The following TERT variants were observed in gnomAD, a reference collection of about 807,000 sequenced individuals.
The protein encoded by TERT is telomerase reverse transcriptase.
In TERT, 42 loss-of-function variants were observed where a neutral mutation model predicts 104.0. That is an observed-to-expected ratio of 0.40 (90% CI 0.32 to 0.52). The LOEUF (loss-of-function observed/expected upper bound fraction) is 0.52. Among genes scored for constraint, TERT ranks in the 20% least tolerant of loss-of-function variants. The pLI, the probability that TERT is intolerant of heterozygous loss-of-function variation, is 0.43. For synonymous variants in TERT, 781 were observed against 725.6 expected (o/e 1.08, Z -1.23); for missense variants, 1,101 against 1,610.3 (o/e 0.68, Z 5.41).
chr5:1,292,081 T>C lies in TERT; in HGVS notation c.1573+1232A>G. On this transcript the variant is annotated intron_variant, in intron 2 of 15. Coordinates refer to ENST00000310581, the MANE Select transcript of TERT (RefSeq NM_198253.3). The surrounding 1 kb of genome is among the most constrained non-coding windows in gnomAD (Gnocchi z 5.5). ...CTGCACTGTACACAGAAAACGGTGT[T>C]AGGAGTGCCAATCTCATGTTATATG... Among the ~76,000 whole-genome samples the C allele has an allele frequency of 6.6e-6, 1 of 151,884 alleles. No homozygotes were observed. Among genetic ancestry groups the C allele is most frequent in the East Asian group, 1.9e-4 (1 of 5,188 alleles).
chr5:1,279,548 G>T, intron 4 of TERT, 78 bp from the exon 5 acceptor site: 1 of 1,439,326 alleles, frequency 6.9e-7, no homozygotes, highest in South Asian at 1.2e-5. Context: ...ACCCAGGGGA[G>T]AAGCAGCCCC....
rs1747637307 is a variant in TERT, at chr5:1,255,299, C to G, written c.3145G>C (p.Ala1049Pro). Residue 1049 changes from alanine to proline, a missense_variant, in exon 14 of 16, where the codon GCC becomes CCC. Ala to Pro is a conservative substitution (Grantham distance 27). Coordinates refer to ENST00000310581, the MANE Select transcript of TERT (RefSeq NM_198253.3). This position sits in a 1 kb window ranked among gnomAD's most constrained non-coding sequence, Gnocchi z 6.9. ...TASLCYSILKAKNAGMSLGAK... is the reference protein window; with the variant it reads ...TASLCYSILKPKNAGMSLGAK... Reference sequence around the variant, plus strand: ...CACCTGCACATACCTGCGTTCTTGGCTTTCAGGATGGAGTAGCAGAGGGAG... The same window carrying G: ...CACCTGCACATACCTGCGTTCTTGGGTTTCAGGATGGAGTAGCAGAGGGAG... 1 of 1,613,832 alleles carries G rather than the reference C, an allele frequency of 6.2e-7. No homozygotes were observed. Among genetic ancestry groups the G allele is most frequent in the African/African-American group, 1.3e-5 (1 of 74,952 alleles).
chr5:1,290,170 G>A (rs1750791395), intron 2 of TERT, among the ~76,000 whole-genome samples: 1 of 86,882 alleles, frequency 1.2e-5, no homozygotes, highest in Non-Finnish European at 2.1e-5. Context: ...AGGGACACCC[G>A]GGGACAGTGC....
In TERT at chr5:1,281,680, CCAGGTGCTCCCTGCA is replaced by C. The variant is rs570191471; in HGVS notation, c.1769+734_1769+748del. 9.4e-4 allele frequency among the ~76,000 whole-genome samples: 143 copies of C among 152,330 alleles called. 2 individuals are homozygous for C. Among genetic ancestry groups the C allele is most frequent in the South Asian group, 8.3e-3 (40 of 4,818 alleles). On this transcript the variant is annotated intron_variant, in intron 3 of 15. Coordinates refer to ENST00000310581, the MANE Select transcript of TERT (RefSeq NM_198253.3). ...AGCTCATGGTGGAACTCTCCTATCC[CCAGGTGCTCCCTGCA>C]CAGGTGCTCCCTGCAGTGAGTCGCC...
intron 6 of TERT, among the ~76,000 whole-genome samples, chr5:1,273,316 G>A (rs1309363458): frequency 9.6e-5 from 1 of 10,434 alleles, no homozygotes. Context: ...CCCCACGACC[G>A]CCATCCACAG....
chr5:1,282,742 A>T, intron 2 of TERT, 118 bp from the exon 3 acceptor site: 1 of 952,966 alleles, frequency 1.0e-6, no homozygotes, highest in Non-Finnish European at 1.6e-6. Flanking sequence ...ACCTCACCCC[A>T]GACCTGCACC....
chr5:1,291,060 T>C lies in TERT; in HGVS notation c.1573+2253A>G, dbSNP rs375232611. Among the ~76,000 whole-genome samples, 39 of 30,632 alleles carry C rather than the reference T, an allele frequency of 1.3e-3. 1 individual carries two copies. The highest frequency in any genetic ancestry group is 3.9e-3 in the African/African-American group (22 of 5,590). The allele number at this position is 30,632 out of a possible 152,430, so 20.1% of individuals were successfully genotyped here. A position where few individuals can be genotyped will look rare whatever the true frequency, so the allele number is the denominator to read the frequency against. On this transcript the variant is annotated intron_variant, in intron 2 of 15. Coordinates refer to ENST00000310581, the MANE Select transcript of TERT (RefSeq NM_198253.3). ...ACGGGACAGGGACACCCGGGGACAG[T>C]GCCTCACTCACCCTACACGTGACAG...
At position 1,280,470 on chromosome 5, in the gene TERT, T is replaced by C. The variant is rs142682619; in HGVS notation, c.1770-132A>G. On this transcript the variant is annotated intron_variant, in intron 3 of 15. Coordinates refer to ENST00000310581, the MANE Select transcript of TERT (RefSeq NM_198253.3). ...CCACGGCAGCACACGCTGAAGGCCA[T>C]GCCCGGGGCCACGTCCACCCATGCC... The C allele has an allele frequency of 8.6e-5, 88 of 1,018,894 alleles. No homozygotes were observed. In the African/African-American group the frequency reaches 1.1e-3, roughly 13 times the overall value. 63.1% of individuals were successfully genotyped at this position (1,018,894 alleles called of 1,614,324 possible). A position where few individuals can be genotyped will look rare whatever the true frequency, so the allele number is the denominator to read the frequency against.
At chr5:1,258,550 G>C in intron 13 of TERT, 48 bp downstream of exon 13, 2 of 1,525,646 alleles carry the variant, frequency 1.3e-6, no homozygotes, top group Non-Finnish European at 1.8e-6. Context: ...TGAGCAGAGC[G>C]CGGAGGGTCC....
chr5:1,282,362 G>A (rs1003426366), intron 3 of TERT, 67 bp downstream of exon 3: 50 of 1,530,432 alleles, frequency 3.3e-5, no homozygotes, highest in African/African-American at 2.5e-4. Context: ...GGAGACAGGC[G>A]CATGCTGAGG....
At position 1,253,315 on chromosome 5, in the gene TERT, C is replaced by T. The variant is rs538533887; in HGVS notation, c.*413G>A. ...TGGTCACTCCAAATTCCCAGAGCTC[C>T]CAGGGTCCTTCTCAGGGTCTCCACC... On this transcript the variant is annotated 3_prime_UTR_variant, in exon 16 of 16. Transcript: ENST00000310581. 13 of 392,862 alleles carry T rather than the reference C, an allele frequency of 3.3e-5. No homozygotes were observed. Among genetic ancestry groups the T allele is most frequent in the Non-Finnish European group, 5.7e-5 (12 of 211,296 alleles). The allele number at this position is 392,862 out of a possible 1,614,324, so 24.3% of individuals were successfully genotyped here. A position where few individuals can be genotyped will look rare whatever the true frequency, so the allele number is the denominator to read the frequency against.
rs1748390798 is a variant in TERT, at chr5:1,263,782, G to A, written c.2843+622C>T. Among the ~76,000 whole-genome samples, 3 of 152,230 alleles carry A rather than the reference G, an allele frequency of 2.0e-5. No homozygotes were observed. In the South Asian group the frequency reaches 6.2e-4, roughly 32 times the overall value. On this transcript the variant is annotated intron_variant, in intron 11 of 15. Transcript: ENST00000310581. This position sits in a 1 kb window ranked among gnomAD's most constrained non-coding sequence, Gnocchi z 5.3. The stretch of plus-strand genomic sequence containing the variant: ...CTGTGTCCATCTTCAATTCATTTGT[G>A]TCTGAGCCTGAGACGGGGCCTTGAG...
intron 8 of TERT, 104 bp downstream of exon 8, chr5:1,271,015 C>T: frequency 1.1e-6 from 1 of 940,064 alleles, no homozygotes; most frequent in Non-Finnish European, 1.7e-6. Flanking sequence ...TCTGGTGGCC[C>T]CGGGCAGAAG....
At chr5:1,267,305 T>C (rs1159261030) in intron 9 of TERT, among the ~76,000 whole-genome samples, 1 of 152,208 alleles carries the variant, frequency 6.6e-6, no homozygotes, top group Non-Finnish European at 1.5e-5. Flanking sequence ...ACTGTCTGCT[T>C]GTTCAGTGAT....
intron 12 of TERT, 133 bp from the exon 13 acceptor site, chr5:1,258,792 A>G (rs137919228): frequency 5.5e-4 from 476 of 862,414 alleles, no homozygotes; most frequent in Middle Eastern, 8.6e-4. Context: ...CCCTCTTCCC[A>G]GTGAAATCCG....
chr5:1,291,521 T>C (rs375144949), intron 2 of TERT, among the ~76,000 whole-genome samples: 22 of 29,982 alleles, frequency 7.3e-4, no homozygotes, highest in East Asian at 1.1e-3. Context: ...CCGGGGACAG[T>C]GCCTCACTCA....
At position 1,293,297 on chromosome 5, in the gene TERT, G is replaced by A. The variant is rs776132221; in HGVS notation, c.1573+16C>T. On this transcript the variant is annotated intron_variant, in intron 2 of 15. Transcript: ENST00000310581. ...AGCTCTGGGGCCTGGGCCCTCGACG[G>A]CCACCACCTCCTCACCTGGGCTCCT... 1.2e-6 allele frequency: 2 copies of A among 1,612,076 alleles called. No homozygotes were observed. The highest frequency in any genetic ancestry group is 1.7e-6 in the Non-Finnish European group (2 of 1,179,978).
intron 2 of TERT, among the ~76,000 whole-genome samples, chr5:1,289,245 C>A (rs1260048550): frequency 1.4e-5 from 2 of 142,024 alleles, no homozygotes; most frequent in South Asian, 4.6e-4. Context: ...CAGGGACACC[C>A]GGGGATGGCG....
intron 2 of TERT, among the ~76,000 whole-genome samples, chr5:1,290,260 C>G (rs66570899): frequency 1.5e-4 from 8 of 54,442 alleles, no homozygotes; most frequent in East Asian, 9.7e-4. Context: ...ACCCGGGGGC[C>G]GTGCCTCACT....
Sources: allele counts gnomAD v4.1 joint callset (sites outside exome capture counted in the v4.1 genomes callset), GRCh38; gene constraint gnomAD v4.1.1; non-coding constraint Gnocchi (gnomAD v3.1); transcripts MANE v1.5; gene names NCBI Gene and HGNC (gene_info 2026-07-23, HGNC 2026-07-21).